Variants in TMEM132C observed in about 807,000 individuals in gnomAD.
TMEM132C encodes the protein protein phosphatase 1, regulatory subunit 152.
TMEM132C carries 29 observed loss-of-function variants against 61.4 expected under a neutral mutation model. That is an observed-to-expected ratio of 0.47 (90% CI 0.35 to 0.64). TMEM132C has a LOEUF of 0.64. TMEM132C is among the 30% of genes least tolerant of loss of function. The probability of loss-of-function intolerance (pLI) is 0.00; values close to 1 mark genes in which losing one functional copy is unlikely to be tolerated. For missense variants in TMEM132C, 1,408 were observed against 1,476.9 expected, an observed-to-expected ratio of 0.95 and a Z score of 0.76; for synonymous variants, 656 against 633.1, an observed-to-expected ratio of 1.04 and a Z score of -0.54.
chr12:128,613,215 C>T (rs1192326047), intron 3 of TMEM132C, among the ~76,000 whole-genome samples: 2 of 152,204 alleles, frequency 1.3e-5, no homozygotes, highest in Admixed American at 1.3e-4. Flanking sequence ...CATGCAGCTC[C>T]TGGACAGCAC....
intron 2 of TMEM132C, among the ~76,000 whole-genome samples, chr12:128,530,739 G>C (rs111300471): frequency 6.6e-6 from 1 of 152,128 alleles, no homozygotes. Flanking sequence ...CACCATGCCC[G>C]GCCTCCAATA....
At chr12:128,367,727 T>C (rs1873911305) in intron 1 of TMEM132C, among the ~76,000 whole-genome samples, 2 of 151,398 alleles carry the variant, frequency 1.3e-5, no homozygotes, top group Admixed American at 1.3e-4. Flanking sequence ...TTTGAAAGCA[T>C]AGTATGAAAA....
chr12:128,320,587 A>C (rs1278541904), intron 1 of TMEM132C, among the ~76,000 whole-genome samples: 1 of 152,102 alleles, frequency 6.6e-6, no homozygotes, highest in African/African-American at 2.4e-5. Flanking sequence ...GAAATATGGT[A>C]AGACCTCATC....
chr12:128,620,626 A>C (rs911285878), intron 4 of TMEM132C, among the ~76,000 whole-genome samples: 2 of 152,224 alleles, frequency 1.3e-5, no homozygotes, highest in African/African-American at 2.4e-5. Context: ...GTGTAGGAAG[A>C]AGTTCTTTGC....
At chr12:128,529,643 G>A (rs188439319) in intron 2 of TMEM132C, among the ~76,000 whole-genome samples, 4 of 152,082 alleles carry the variant, frequency 2.6e-5, no homozygotes, top group South Asian at 2.1e-4. Context: ...AAAATTAGCC[G>A]GGCATGATGA....
chr12:128,294,593 T>G (rs1030340121), intron 1 of TMEM132C, among the ~76,000 whole-genome samples: 4 of 152,202 alleles, frequency 2.6e-5, no homozygotes, highest in African/African-American at 9.7e-5. Context: ...AACAGGAATT[T>G]GTTTCTTGCA....
At chr12:128,617,321 G>T (rs938266672) in intron 4 of TMEM132C, among the ~76,000 whole-genome samples, 1 of 152,212 alleles carries the variant, frequency 6.6e-6, no homozygotes, top group Non-Finnish European at 1.5e-5. Flanking sequence ...TGCCACGCTG[G>T]CTTCTTCACA....
intron 2 of TMEM132C, among the ~76,000 whole-genome samples, chr12:128,505,244 G>A (rs372912659): frequency 5.9e-5 from 9 of 152,248 alleles, no homozygotes; most frequent in South Asian, 2.1e-4. Context: ...TCAAGGTGCC[G>A]GTGGCCAATC....
chr12:128,516,026 T>C (rs1872706998), intron 2 of TMEM132C, among the ~76,000 whole-genome samples: 1 of 152,162 alleles, frequency 6.6e-6, no homozygotes, highest in African/African-American at 2.4e-5. Context: ...TTGAGGTCCT[T>C]GTACTTAGAA....
chr12:128,356,990 C>A (rs958120269), intron 1 of TMEM132C, among the ~76,000 whole-genome samples: 1 of 152,186 alleles, frequency 6.6e-6, no homozygotes, highest in Non-Finnish European at 1.5e-5. Flanking sequence ...CTCGCTCTCT[C>A]ACACACATAC....
intron 1 of TMEM132C, among the ~76,000 whole-genome samples, chr12:128,380,470 G>A (rs1444261952): frequency 6.6e-6 from 1 of 152,238 alleles, no homozygotes; most frequent in Non-Finnish European, 1.5e-5. Flanking sequence ...TAAATAATAA[G>A]GGAGCAAGAT....
rs1020014167 is a variant in TMEM132C, at chr12:128,415,413, A to G, written c.767A>G (p.Lys256Arg). 6 of 1,551,308 alleles carry G rather than the reference A, an allele frequency of 3.9e-6. No homozygotes were observed. In the African/African-American group the frequency reaches 8.2e-5, roughly 21 times the overall value. ...FRKGNAIRPG[K>R]DGLEETTSHL... ...AAGGGCAACGCCATCCGTCCAGGAAAGGATGGGCTGGAGGAAACCACGTCC... is the reference window on the plus strand; with the variant it reads ...AAGGGCAACGCCATCCGTCCAGGAAGGGATGGGCTGGAGGAAACCACGTCC... Residue 256 changes from lysine to arginine, a missense_variant, in exon 2 of 9, where the codon AAG becomes AGG. Physicochemically the swap from Lys to Arg is conservative, Grantham distance 26. Transcript: ENST00000435159. The surrounding 1 kb of genome is among the most constrained non-coding windows in gnomAD (Gnocchi z 5.8).
At position 128,280,418 on chromosome 12, in the gene TMEM132C, C is replaced by T. The variant is rs541554487; in HGVS notation, c.85+12931C>T. ...TCCTTCCTTGTAGACAAGAGATTCTCAAAACTGACTACATTAAAGGACTAA... is the reference window on the plus strand; with the variant it reads ...TCCTTCCTTGTAGACAAGAGATTCTTAAAACTGACTACATTAAAGGACTAA... On this transcript the variant is annotated intron_variant, in intron 1 of 8. Transcript: ENST00000435159. Among the ~76,000 whole-genome samples, 16 of 152,286 alleles carry T rather than the reference C, an allele frequency of 1.1e-4. No individual in the cohort carries two copies. In the East Asian group the frequency reaches 3.1e-3, roughly 29 times the overall value.
rs184664801 is a variant in TMEM132C, at chr12:128,362,266, A to G, written c.86-52466A>G. Among the ~76,000 whole-genome samples the G allele has an allele frequency of 1.4e-3, 212 of 152,200 alleles. 6 individuals are homozygous for G. The South Asian group carries it at 0.042, about 30-fold the overall frequency. The stretch of plus-strand genomic sequence containing the variant: ...GGAAACTCCAAGCAGGAGAGTCAGT[A>G]TGATCTGGAGATGGGCTGCAGGGGG... On this transcript the variant is annotated intron_variant, in intron 1 of 8. Coordinates refer to ENST00000435159, the MANE Select transcript of TMEM132C (RefSeq NM_001136103.3).
At chr12:128,273,677 T>G (rs1870592651) in intron 1 of TMEM132C, among the ~76,000 whole-genome samples, 1 of 152,200 alleles carries the variant, frequency 6.6e-6, no homozygotes, top group Non-Finnish European at 1.5e-5. Context: ...TCTCCACTAT[T>G]GGCTTATTAT....
At chr12:128,476,710 G>C (rs1280320090) in intron 2 of TMEM132C, among the ~76,000 whole-genome samples, 1 of 152,224 alleles carries the variant, frequency 6.6e-6, no homozygotes, top group East Asian at 1.9e-4. Flanking sequence ...CATTTAGGGA[G>C]TTTTGCAGAA....
At chr12:128,454,191 T>C (rs1870270255) in intron 2 of TMEM132C, among the ~76,000 whole-genome samples, 1 of 152,188 alleles carries the variant, frequency 6.6e-6, no homozygotes, top group African/African-American at 2.4e-5. Flanking sequence ...ATAATAATAA[T>C]AGAAATAACT....
At chr12:128,302,932 T>C (rs1871643759) in intron 1 of TMEM132C, among the ~76,000 whole-genome samples, 1 of 152,196 alleles carries the variant, frequency 6.6e-6, no homozygotes, top group Non-Finnish European at 1.5e-5. Flanking sequence ...TCAAATAAGG[T>C]TCACAGCCAA....
At chr12:128,580,616 T>G (rs891619594) in intron 3 of TMEM132C, among the ~76,000 whole-genome samples, 3 of 152,178 alleles carry the variant, frequency 2.0e-5, no homozygotes, top group Non-Finnish European at 4.4e-5. Flanking sequence ...AATCAACACA[T>G]TTTATCTAAA....
Sources: gnomAD v4.1 joint callset for allele counts (sites outside exome capture counted in the v4.1 genomes callset) on GRCh38, gnomAD v4.1.1 for gene constraint, Gnocchi (gnomAD v3.1) non-coding constraint, MANE v1.5 for transcripts, NCBI Gene and HGNC (gene_info 2026-07-23, HGNC 2026-07-21) for gene names.